Variants in GRHL2 observed in about 807,000 individuals in gnomAD.
GRHL2 encodes the protein grainyhead-like protein 2 homolog.
Under a neutral mutation model 83.8 loss-of-function variants are expected in GRHL2, and 21 were observed. The observed-to-expected ratio is 0.25, with a 90% CI of 0.18 to 0.36. GRHL2 has a LOEUF of 0.36. Ranked by LOEUF, GRHL2 falls within the 10% of genes least tolerant of loss-of-function variation. The pLI is 1.00. For missense variants in GRHL2, 623 were observed against 781.8 expected, an observed-to-expected ratio of 0.80 and a Z score of 2.42; for synonymous variants, 280 against 278.9, an observed-to-expected ratio of 1.00 and a Z score of -0.04.
At chr8:101,666,113 T>C (rs1243252535) in intron 15 of GRHL2, among the ~76,000 whole-genome samples, 1 of 152,216 alleles carries the variant, frequency 6.6e-6, no homozygotes. Context: ...CTGTGAGAAC[T>C]AAACACAAGG....
intron 8 of GRHL2, among the ~76,000 whole-genome samples, chr8:101,601,548 T>C (rs1357243865): frequency 6.6e-6 from 1 of 152,192 alleles, no homozygotes; most frequent in Admixed American, 6.5e-5. Flanking sequence ...TGGGTGTACA[T>C]GTGAGTGTGC....
intron 9 of GRHL2, among the ~76,000 whole-genome samples, chr8:101,620,660 C>G (rs1394424239): frequency 6.6e-6 from 1 of 152,118 alleles, no homozygotes; most frequent in Non-Finnish European, 1.5e-5. Flanking sequence ...ATTTCAAAAC[C>G]TGTGTGATAT....
chr8:101,664,392 C>T, intron 14 of GRHL2, 62 bp from the exon 15 acceptor site: 1 of 1,218,144 alleles, frequency 8.2e-7, no homozygotes, highest in African/African-American at 1.5e-5. Flanking sequence ...TGGAACTTTC[C>T]CCCTTGCCTC....
At chr8:101,631,577 G>T in intron 9 of GRHL2, 60 bp from the exon 10 acceptor site, 2 of 1,311,618 alleles carry the variant, frequency 1.5e-6, no homozygotes, top group South Asian at 2.4e-5. Flanking sequence ...TGTGTGACAT[G>T]ACTTTTGCAT....
At chr8:101,639,438 C>T (rs1009136888) in intron 12 of GRHL2, among the ~76,000 whole-genome samples, 1 of 152,182 alleles carries the variant, frequency 6.6e-6, no homozygotes, top group African/African-American at 2.4e-5. Context: ...TCCCATGACT[C>T]CCATTTTATA....
intron 8 of GRHL2, among the ~76,000 whole-genome samples, chr8:101,602,265 A>G (rs1370237344): frequency 3.9e-5 from 6 of 152,254 alleles, no homozygotes; most frequent in African/African-American, 1.4e-4. Context: ...GTTGACAGAA[A>G]GGTTTTCAAC....
intron 8 of GRHL2, 56 bp downstream of exon 8, chr8:101,599,207 TTTA>T (rs1339819455): frequency 8.9e-7 from 1 of 1,126,500 alleles, no homozygotes; most frequent in East Asian, 2.4e-5. Flanking sequence ...TCCTCAGCAG[TTTA>T]TTCTTTTTTA....
intron 7 of GRHL2, among the ~76,000 whole-genome samples, chr8:101,586,089 T>TTTTTTTG (rs1289272635): frequency 7.3e-6 from 1 of 136,666 alleles, no homozygotes; most frequent in African/African-American, 2.8e-5. Context: ...TTTTTTTTTT[T>TTTTTTTG]TGAGACGGAG....
At chr8:101,571,611 A>G (rs930620234) in intron 5 of GRHL2, among the ~76,000 whole-genome samples, 1 of 152,102 alleles carries the variant, frequency 6.6e-6, no homozygotes, top group Non-Finnish European at 1.5e-5. Context: ...TATGAAGGTC[A>G]TCAGGGCCCT....
At chr8:101,513,170 T>A (rs1264744675) in intron 1 of GRHL2, among the ~76,000 whole-genome samples, 1 of 152,134 alleles carries the variant, frequency 6.6e-6, no homozygotes, top group Non-Finnish European at 1.5e-5. Context: ...ATGTTGTTGT[T>A]GTAGTAGTTG....
At chr8:101,654,576 A>C (rs938663353) in intron 14 of GRHL2, among the ~76,000 whole-genome samples, 1 of 150,618 alleles carries the variant, frequency 6.6e-6, no homozygotes, top group Non-Finnish European at 1.5e-5. Flanking sequence ...AAAAACGAAC[A>C]AAGAGTTTTC....
chr8:101,517,731 G>A (rs548708589), intron 1 of GRHL2, among the ~76,000 whole-genome samples: 18 of 130,530 alleles, frequency 1.4e-4, no homozygotes, highest in Non-Finnish European at 2.9e-4. Context: ...TTTCATGTCC[G>A]TTTGCAGTCA....
chr8:101,550,197 A>AG (rs1811350609), intron 2 of GRHL2, among the ~76,000 whole-genome samples: 1 of 135,366 alleles, frequency 7.4e-6, no homozygotes, highest in Non-Finnish European at 1.6e-5. Flanking sequence ...TTTTAAAAAA[A>AG]TTATCATTTC....
At chr8:101,636,312 C>A (rs1813284226) in intron 11 of GRHL2, among the ~76,000 whole-genome samples, 2 of 152,220 alleles carry the variant, frequency 1.3e-5, no homozygotes, top group South Asian at 4.1e-4. Context: ...AGCTAAATGA[C>A]CTTTCCTGGC....
intron 9 of GRHL2, among the ~76,000 whole-genome samples, chr8:101,625,769 C>A (rs1014724315): frequency 1.3e-5 from 2 of 151,960 alleles, no homozygotes; most frequent in Non-Finnish European, 2.9e-5. Flanking sequence ...CAGTAAATAT[C>A]AGTGCTAAGT....
At chr8:101,550,585 T>A (rs569798800) in intron 2 of GRHL2, among the ~76,000 whole-genome samples, 25 of 152,262 alleles carry the variant, frequency 1.6e-4, no homozygotes, top group African/African-American at 6.0e-4. Context: ...TTAATGCCTT[T>A]AAAAAAATTG....
Position 101,546,880 on chromosome 8 carries a change from T to C in GRHL2, c.216+3444T>C, listed in dbSNP as rs1014437023. 1.1e-4 allele frequency among the ~76,000 whole-genome samples: 17 copies of C among 152,228 alleles called. No homozygotes were observed. The South Asian group carries it at 3.5e-3, about 32-fold the overall frequency. On this transcript the variant is annotated intron_variant, in intron 2 of 15. Transcript: ENST00000646743. ...AAGTTGAAATATTGCTTTCTGTAAC[T>C]ATTCTGAGATACCAGGTAGGGAGTT... is the stretch of plus-strand genomic sequence containing the variant.
intron 9 of GRHL2, among the ~76,000 whole-genome samples, chr8:101,621,771 G>A (rs1323268210): frequency 1.3e-5 from 2 of 152,066 alleles, no homozygotes; most frequent in Admixed American, 6.6e-5. Context: ...AGTGATGCAT[G>A]TCTGTAGTTC....
At chr8:101,591,917 T>C (rs10100945) in intron 7 of GRHL2, among the ~76,000 whole-genome samples, 30,527 of 151,950 alleles carry the variant, frequency 0.2, 3,996 homozygotes, top group African/African-American at 0.37. Context: ...TAAGAATAAG[T>C]AGACATCCTG....
Sources: gnomAD v4.1 joint callset for allele counts (sites outside exome capture counted in the v4.1 genomes callset) on GRCh38, gnomAD v4.1.1 for gene constraint, MANE v1.5 for transcripts, NCBI Gene and HGNC (gene_info 2026-07-23, HGNC 2026-07-21) for gene names.